The following CACNA2D3 variants were observed in gnomAD, a reference collection of about 807,000 sequenced individuals.
CACNA2D3 encodes voltage-dependent calcium channel subunit alpha-2/delta-3.
In CACNA2D3, 60 loss-of-function variants were observed where a neutral mutation model predicts 160.6. That is an observed-to-expected ratio of 0.37 (90% CI 0.30 to 0.46). CACNA2D3 has a LOEUF of 0.46. Ranked by LOEUF, CACNA2D3 falls within the 20% of genes least tolerant of loss-of-function variation. The probability of loss-of-function intolerance (pLI) is 1.00; values close to 1 mark genes in which losing one functional copy is unlikely to be tolerated. For missense variants in CACNA2D3, 1,205 were observed against 1,365.0 expected (o/e 0.88, Z 1.85); for synonymous variants, 558 against 492.9 (o/e 1.13, Z -1.75).
intron 5 of CACNA2D3, among the ~76,000 whole-genome samples, chr3:54,554,389 G>A (rs975671033): frequency 4.6e-5 from 7 of 152,110 alleles, no homozygotes; most frequent in African/African-American, 1.2e-4. Flanking sequence ...AATATTTGTC[G>A]AGTAAACAAA....
At chr3:54,543,767 T>G (rs1205941022) in intron 5 of CACNA2D3, among the ~76,000 whole-genome samples, 1 of 152,258 alleles carries the variant, frequency 6.6e-6, no homozygotes, top group Non-Finnish European at 1.5e-5. Flanking sequence ...GTCTTTCTTG[T>G]CTTTCTCTTT....
chr3:54,827,675 G>A (rs188966151), intron 14 of CACNA2D3, among the ~76,000 whole-genome samples: 4 of 152,326 alleles, frequency 2.6e-5, no homozygotes, highest in Middle Eastern at 3.4e-3. Context: ...TGAAGGAGCC[G>A]TGAGCAAGGA....
intron 2 of CACNA2D3, among the ~76,000 whole-genome samples, chr3:54,188,783 G>T (rs547426338): frequency 6.6e-5 from 10 of 152,140 alleles, no homozygotes; most frequent in Non-Finnish European, 1.5e-4. Context: ...TTCCAAAATG[G>T]ATATATATTT....
intron 11 of CACNA2D3, among the ~76,000 whole-genome samples, chr3:54,703,159 C>T (rs979143137): frequency 2.0e-5 from 3 of 151,860 alleles, no homozygotes; most frequent in Non-Finnish European, 4.4e-5. Flanking sequence ...TGAAATAATT[C>T]GTACACCAAA....
chr3:54,828,083 C>T (rs533951584), intron 14 of CACNA2D3, among the ~76,000 whole-genome samples: 25 of 152,270 alleles, frequency 1.6e-4, no homozygotes, highest in African/African-American at 5.5e-4. Flanking sequence ...CTCATTTCCA[C>T]TTAGTTAGGG....
At chr3:54,744,317 C>G (rs539949406) in intron 11 of CACNA2D3, among the ~76,000 whole-genome samples, 9 of 152,266 alleles carry the variant, frequency 5.9e-5, no homozygotes, top group Admixed American at 2.6e-4. Context: ...GTGCAAAATA[C>G]AAGAGATTTA....
At chr3:54,525,381 G>A (rs527421756) in intron 5 of CACNA2D3, among the ~76,000 whole-genome samples, 1 of 151,996 alleles carries the variant, frequency 6.6e-6, no homozygotes, top group Non-Finnish European at 1.5e-5. Context: ...CATTCATTTT[G>A]TCTTTCATAG....
chr3:54,832,815 A>G (rs934975038), intron 14 of CACNA2D3, among the ~76,000 whole-genome samples: 5 of 152,204 alleles, frequency 3.3e-5, no homozygotes, highest in African/African-American at 9.7e-5. Context: ...TTCCCAGCAC[A>G]TGGCATGGAA....
At chr3:54,493,277 G>C (rs1184092393) in intron 4 of CACNA2D3, among the ~76,000 whole-genome samples, 1 of 151,700 alleles carries the variant, frequency 6.6e-6, no homozygotes, top group African/African-American at 2.4e-5. Context: ...GGGTTTCACT[G>C]TGTTGTCCAG....
At chr3:54,987,878 C>T (rs1333472970) in intron 31 of CACNA2D3, 125 bp downstream of exon 31, 30 of 611,180 alleles carry the variant, frequency 4.9e-5, no homozygotes, top group Non-Finnish European at 7.1e-5. Flanking sequence ...TGTTCATGCT[C>T]CAAAAGATCT....
chr3:55,044,852 A>G (rs989693212), intron 35 of CACNA2D3, among the ~76,000 whole-genome samples: 1 of 151,928 alleles, frequency 6.6e-6, no homozygotes, highest in South Asian at 2.1e-4. Context: ...TTTGTCAAAT[A>G]TTTTTTCTCA....
chr3:54,319,432 T>A (rs1468695168), intron 2 of CACNA2D3, among the ~76,000 whole-genome samples: 2 of 152,210 alleles, frequency 1.3e-5, no homozygotes, highest in Non-Finnish European at 2.9e-5. Context: ...ATTAGTAAAC[T>A]GATTCAGAGT....
chr3:54,854,558 T>A (rs1699125754), intron 17 of CACNA2D3, among the ~76,000 whole-genome samples: 1 of 152,000 alleles, frequency 6.6e-6, no homozygotes. Context: ...TGCTTATGAA[T>A]CCCCTTTGGG....
At chr3:54,209,334 G>C (rs1018072521) in intron 2 of CACNA2D3, among the ~76,000 whole-genome samples, 9 of 152,180 alleles carry the variant, frequency 5.9e-5, no homozygotes, top group African/African-American at 2.2e-4. Context: ...TGTCCAGCCA[G>C]CCTCACCCTC....
chr3:55,036,368 A>G (rs1459293376), intron 35 of CACNA2D3, among the ~76,000 whole-genome samples: 1 of 152,038 alleles, frequency 6.6e-6, no homozygotes, highest in African/African-American at 2.4e-5. Flanking sequence ...AATCACTTGA[A>G]CCTGGGAGAC....
chr3:54,649,699 A>G (rs1324780882), intron 11 of CACNA2D3, among the ~76,000 whole-genome samples: 2 of 152,176 alleles, frequency 1.3e-5, no homozygotes, highest in African/African-American at 4.8e-5. Context: ...CCCATTCATG[A>G]GGGCTCCACC....
At chr3:54,141,084 T>TGTGTGTGTGTGTGTGTGTGTGTGTGC (rs1553731306) in intron 2 of CACNA2D3, among the ~76,000 whole-genome samples, 1 of 112,380 alleles carries the variant, frequency 8.9e-6, no homozygotes, top group African/African-American at 3.7e-5. Flanking sequence ...TGTGTGTGTG[T>TGTGTGTGTGTGTGTGTGTGTGTGTGC]GTGCGCGCGC....
chr3:54,740,910 G>A (rs1157711703), intron 11 of CACNA2D3, among the ~76,000 whole-genome samples: 1 of 152,162 alleles, frequency 6.6e-6, no homozygotes, highest in Admixed American at 6.5e-5. Flanking sequence ...CTGACTCCTC[G>A]ACCTGTAACC....
intron 29 of CACNA2D3, among the ~76,000 whole-genome samples, chr3:54,974,062 A>G (rs1310657519): frequency 6.6e-6 from 1 of 152,164 alleles, no homozygotes; most frequent in East Asian, 1.9e-4. Flanking sequence ...CTCCAATCAA[A>G]CAAAAGGCAT....
Sources: allele counts gnomAD v4.1 joint callset (sites outside exome capture counted in the v4.1 genomes callset), GRCh38; gene constraint gnomAD v4.1.1; transcripts MANE v1.5; gene names NCBI Gene and HGNC (gene_info 2026-07-23, HGNC 2026-07-21).